FBXL19: variants seen among roughly 807,000 people sequenced by gnomAD.
The protein encoded by FBXL19 is F-box/LRR-repeat protein 19.
Under a neutral mutation model 71.2 loss-of-function variants are expected in FBXL19, and 16 were observed. The observed-to-expected ratio is 0.22, with a 90% confidence interval of 0.15 to 0.34. The LOEUF (loss-of-function observed/expected upper bound fraction) is 0.34, where lower values mean the gene tolerates loss of function less well. Among genes scored for constraint, FBXL19 ranks in the 10% least tolerant of loss-of-function variants. The pLI is 1.00. For missense variants in FBXL19, 658 were observed against 968.2 expected, an observed-to-expected ratio of 0.68 and a Z score of 4.25; for synonymous variants, 447 against 409.4, an observed-to-expected ratio of 1.09 and a Z score of -1.11.
chr16:30,923,194 G>A (rs2055543525), upstream of FBXL19: 1 of 456,522 alleles, frequency 2.2e-6, no homozygotes, highest in African/African-American at 2.0e-5. Flanking sequence ...GGGCGTGTGA[G>A]TGCCTGGGAA....
At chr16:30,926,830 A>C (rs2055597507) in intron 2 of FBXL19, among the ~76,000 whole-genome samples, 1 of 151,946 alleles carries the variant, frequency 6.6e-6, no homozygotes, top group Admixed American at 6.6e-5. Flanking sequence ...TGGCTTCCCT[A>C]GTGTTCCCAG....
At chr16:30,938,845 C>T (rs2055766886) in intron 7 of FBXL19, among the ~76,000 whole-genome samples, 4 of 151,844 alleles carry the variant, frequency 2.6e-5, no homozygotes, top group Admixed American at 2.6e-4. Flanking sequence ...ACCGTATTAG[C>T]CAGGATGGTC....
chr16:30,923,133 T>G (rs1319797011), upstream of FBXL19: 11 of 456,240 alleles, frequency 2.4e-5, no homozygotes, highest in Admixed American at 2.6e-4. Flanking sequence ...AGGCAGCAGA[T>G]GGACTGCGAC....
rs762637452 is a variant in FBXL19, at chr16:30,942,365, C to G, written c.1466-10C>G. 9 of 1,607,832 alleles carry G rather than the reference C, an allele frequency of 5.6e-6. No homozygotes were observed. Among genetic ancestry groups the G allele is most frequent in the Non-Finnish European group, 6.8e-6 (8 of 1,176,646 alleles). ...ACAGCACCTGCTTCCTGACTGCCCC[C>G]TCTCCGCAGGCCTGCAGGAGCTGGT... On this transcript the variant is annotated splice_polypyrimidine_tract_variant and intron_variant, in intron 8 of 10. Coordinates refer to ENST00000338343, the MANE Select transcript of FBXL19 (RefSeq NM_001382779.1). This position sits in a 1 kb window ranked among gnomAD's most constrained non-coding sequence, Gnocchi z 5.7.
intron 7 of FBXL19, among the ~76,000 whole-genome samples, chr16:30,933,291 C>T (rs2055695761): frequency 6.6e-6 from 1 of 152,140 alleles, no homozygotes; most frequent in Non-Finnish European, 1.5e-5. Context: ...GCATGAGCCA[C>T]TGCGCCTGGC....
chr16:30,943,750 A>G (rs963257562), intron 9 of FBXL19, among the ~76,000 whole-genome samples: 3 of 151,594 alleles, frequency 2.0e-5, no homozygotes, highest in Admixed American at 1.3e-4. Flanking sequence ...TGATCTGCCC[A>G]CCTCTGCCTT....
chr16:30,927,973 G>A lies in FBXL19; in HGVS notation c.627+10G>A, dbSNP rs1226870895. On this transcript the variant is annotated intron_variant, in intron 5 of 10. Transcript: ENST00000338343. ...CACCCCAAGGAAAAAGGTGAGCCACGGAGCACGCTCACTAGGCTTGTCCTG... is the reference window on the plus strand; with the variant it reads ...CACCCCAAGGAAAAAGGTGAGCCACAGAGCACGCTCACTAGGCTTGTCCTG... The A allele has an allele frequency of 7.4e-6, 11 of 1,479,644 alleles. No homozygotes were observed. The highest frequency in any genetic ancestry group is 9.0e-6 in the Non-Finnish European group (10 of 1,116,990). The allele number at this position is 1,479,644 out of a possible 1,614,324, so 91.7% of individuals were successfully genotyped here. A position where few individuals can be genotyped will look rare whatever the true frequency, so the allele number is the denominator to read the frequency against.
Position 30,930,710 on chromosome 16 carries a change from C to CTGTAATCTGTGCATACT in FBXL19, c.1301+126_1301+127insTGTAATCTGTGCATACT. ...ATTGGGGATACTTCTCTAGTATGCA[C>CTGTAATCTGTGCATACT]AGATTACAGTGCATCCTTCCGTATT... On this transcript the variant is annotated intron_variant, in intron 7 of 10. Transcript: ENST00000338343. The surrounding 1 kb of genome is among the most constrained non-coding windows in gnomAD (Gnocchi z 8.5). The CTGTAATCTGTGCATACT allele has an allele frequency of 1.9e-6, 2 of 1,027,680 alleles. No homozygotes were observed. Among genetic ancestry groups the CTGTAATCTGTGCATACT allele is most frequent in the Non-Finnish European group, 2.6e-6 (2 of 772,938 alleles). 63.7% of individuals were successfully genotyped at this position (1,027,680 alleles called of 1,614,324 possible). A position where few individuals can be genotyped will look rare whatever the true frequency, so the allele number is the denominator to read the frequency against.
At chr16:30,944,308 G>A (rs1488054239) in intron 9 of FBXL19, among the ~76,000 whole-genome samples, 1 of 150,756 alleles carries the variant, frequency 6.6e-6, no homozygotes, top group Non-Finnish European at 1.5e-5. Context: ...CATCACCCAG[G>A]TATTAAGTCT....
intron 9 of FBXL19, among the ~76,000 whole-genome samples, chr16:30,945,936 AAAT>A (rs1324923398): frequency 6.6e-6 from 1 of 151,986 alleles, no homozygotes; most frequent in Non-Finnish European, 1.5e-5. Flanking sequence ...AAAGAGGAAA[AAAT>A]GATGCAAGGA....
At chr16:30,924,759 G>A (rs2055570929) in intron 1 of FBXL19, 1 of 1,488,694 alleles carries the variant, frequency 6.7e-7, no homozygotes, top group East Asian at 2.7e-5. Flanking sequence ...CCGGAAAGGG[G>A]GAATCTGGGG....
At chr16:30,934,277 C>T (rs1302553326) in intron 7 of FBXL19, among the ~76,000 whole-genome samples, 1 of 151,674 alleles carries the variant, frequency 6.6e-6, no homozygotes, top group African/African-American at 2.4e-5. Flanking sequence ...ACAGGAGAAT[C>T]GCTTGAACCT....
chr16:30,947,009 C>G, intron 10 of FBXL19, 43 bp from the exon 11 acceptor site: 1 of 1,576,882 alleles, frequency 6.3e-7, no homozygotes, highest in South Asian at 1.1e-5. Context: ...GTGCCAACCC[C>G]TTGCTCACCT....
At chr16:30,929,320 G>T (rs2055641974) in intron 6 of FBXL19, among the ~76,000 whole-genome samples, 1 of 152,154 alleles carries the variant, frequency 6.6e-6, no homozygotes, top group South Asian at 2.1e-4. Flanking sequence ...AATACTGTGA[G>T]GATGGAATGA....
intron 1 of FBXL19, 88 bp downstream of exon 1, chr16:30,924,547 G>T: frequency 8.1e-7 from 1 of 1,230,186 alleles, no homozygotes; most frequent in Non-Finnish European, 1.0e-6. Flanking sequence ...TACCTTCCCC[G>T]CCCCCAGCCT....
Position 30,942,553 on chromosome 16 carries a change from CT to C in FBXL19, c.1627+21del. 6.4e-7 allele frequency: 1 copy of C among 1,562,758 alleles called. No individual in the cohort carries two copies. The highest frequency in any genetic ancestry group is 8.7e-7 in the Non-Finnish European group (1 of 1,152,568). ...CCAAACCAGGTGCAACCTCTGTTTG[CT>C]TTTCTGGAGAATGGGCTGGGCAAGG... On this transcript the variant is annotated intron_variant, in intron 9 of 10. Transcript: ENST00000338343. The surrounding 1 kb of genome is among the most constrained non-coding windows in gnomAD (Gnocchi z 5.7).
intron 7 of FBXL19, among the ~76,000 whole-genome samples, chr16:30,941,568 C>T (rs1318118015): frequency 6.6e-6 from 1 of 152,096 alleles, no homozygotes; most frequent in Non-Finnish European, 1.5e-5. Context: ...GATATTAGGG[C>T]TGTAAGTCCA....
chr16:30,926,680 C>T lies in FBXL19; in HGVS notation c.178-628C>T, dbSNP rs554094808. On this transcript the variant is annotated intron_variant, in intron 2 of 10. Coordinates refer to ENST00000338343, the MANE Select transcript of FBXL19 (RefSeq NM_001382779.1). ...GCCCCTCACTTCTTTTCCTTTATCCCCCAACCCCTTGCCTCACTTTTCCTT... is the reference window on the plus strand; with the variant it reads ...GCCCCTCACTTCTTTTCCTTTATCCTCCAACCCCTTGCCTCACTTTTCCTT... Among the ~76,000 whole-genome samples, 4 of 152,178 alleles carry T rather than the reference C, an allele frequency of 2.6e-5. No homozygotes were observed. The South Asian group carries it at 8.3e-4, about 32-fold the overall frequency.
chr16:30,942,841 A>G lies in FBXL19; in HGVS notation c.1627+305A>G, dbSNP rs1387260487. ...GAGCAGAGGCCATCTCTCTTCATCT[A>G]CTTAAATCTCATCATCCTTTAGGCC... On this transcript the variant is annotated intron_variant, in intron 9 of 10. Coordinates refer to ENST00000338343, the MANE Select transcript of FBXL19 (RefSeq NM_001382779.1). The surrounding 1 kb of genome is among the most constrained non-coding windows in gnomAD (Gnocchi z 5.7). 6.6e-6 allele frequency among the ~76,000 whole-genome samples: 1 copy of G among 152,170 alleles called. No homozygotes were observed. The highest frequency in any genetic ancestry group is 1.5e-5 in the Non-Finnish European group (1 of 68,036).
Sources: gnomAD v4.1 joint callset for allele counts (sites outside exome capture counted in the v4.1 genomes callset) on GRCh38, gnomAD v4.1.1 for gene constraint, Gnocchi (gnomAD v3.1) non-coding constraint, MANE v1.5 for transcripts, NCBI Gene and HGNC (gene_info 2026-07-23, HGNC 2026-07-21) for gene names.